CLRN1: variants seen among roughly 807,000 people sequenced by gnomAD.
The protein encoded by CLRN1 is clarin 1.
Under a neutral mutation model 18.7 loss-of-function variants are expected in CLRN1, and 15 were observed. That is an observed-to-expected ratio of 0.80 (90% CI 0.54 to 1.23). The LOEUF is 1.23. Ranked by LOEUF, CLRN1 falls within the 50% of genes most tolerant of loss-of-function variation. CLRN1 has a pLI of 0.00. For synonymous variants in CLRN1, 104 were observed against 102.9 expected (o/e 1.01, Z -0.07); for missense variants, 311 against 277.5 (o/e 1.12, Z -0.86).
At chr3:150,945,961 A>G (rs775475680) in intron 1 of CLRN1, among the ~76,000 whole-genome samples, 24 of 152,240 alleles carry the variant, frequency 1.6e-4, no homozygotes, top group Non-Finnish European at 2.6e-4. Context: ...CTAAAGTATT[A>G]CAAGGATATT....
intron 2 of CLRN1, among the ~76,000 whole-genome samples, chr3:150,933,784 C>T (rs1713301498): frequency 6.6e-6 from 1 of 152,224 alleles, no homozygotes; most frequent in East Asian, 1.9e-4. Context: ...AGTCCTCCTA[C>T]CACACCCTGG....
intron 1 of CLRN1, among the ~76,000 whole-genome samples, chr3:150,969,118 AAAAACAATGT>A (rs1715404299): frequency 6.6e-6 from 1 of 151,558 alleles, no homozygotes. Flanking sequence ...CAAGAAAAAA[AAAAACAATGT>A]AAAACATCTC....
chr3:150,932,255 T>TG (rs746967437), intron 2 of CLRN1, among the ~76,000 whole-genome samples: 2 of 152,244 alleles, frequency 1.3e-5, no homozygotes, highest in East Asian at 1.9e-4. Context: ...CCTTACTATA[T>TG]GGGGAACGTA....
chr3:150,960,784 T>C (rs1320879316), intron 1 of CLRN1, among the ~76,000 whole-genome samples: 1 of 152,236 alleles, frequency 6.6e-6, no homozygotes, highest in African/African-American at 2.4e-5. Context: ...GTTAACTTTA[T>C]TTCTGATAAA....
chr3:150,926,314 A>G (rs570735181), downstream of CLRN1: 43 of 166,548 alleles, frequency 2.6e-4, no homozygotes, highest in Non-Finnish European at 4.2e-4. Flanking sequence ...CCAAGAAGAC[A>G]GAGAGGAATC....
intron 2 of CLRN1, among the ~76,000 whole-genome samples, chr3:150,931,318 C>T (rs1431920907): frequency 6.6e-6 from 1 of 152,178 alleles, no homozygotes; most frequent in Non-Finnish European, 1.5e-5. Flanking sequence ...TCCAGTATGA[C>T]CCTTTGAATC....
At chr3:150,940,138 C>T (rs73009136) in intron 2 of CLRN1, among the ~76,000 whole-genome samples, 2,578 of 152,230 alleles carry the variant, frequency 0.017, 79 homozygotes, top group African/African-American at 0.06. Context: ...TGAATGCTTT[C>T]GTTAGAGATA....
At chr3:150,949,653 T>G (rs1714382875) in intron 1 of CLRN1, among the ~76,000 whole-genome samples, 1 of 152,112 alleles carries the variant, frequency 6.6e-6, no homozygotes, top group South Asian at 2.1e-4. Flanking sequence ...GTGAATAATC[T>G]CTACAATATG....
intron 2 of CLRN1, among the ~76,000 whole-genome samples, chr3:150,928,779 C>G (rs1712970832): frequency 6.6e-6 from 1 of 152,188 alleles, no homozygotes; most frequent in South Asian, 2.1e-4. Flanking sequence ...CTCTATTCTC[C>G]TTGTTTGTAA....
intron 1 of CLRN1, among the ~76,000 whole-genome samples, chr3:150,971,555 T>A (rs1219320647): frequency 6.6e-6 from 1 of 152,206 alleles, no homozygotes; most frequent in African/African-American, 2.4e-5. Flanking sequence ...TCATTTTAAA[T>A]GCTTCAGTTG....
intron 1 of CLRN1, among the ~76,000 whole-genome samples, chr3:150,971,681 A>C: frequency 6.6e-6 from 1 of 152,210 alleles, no homozygotes. Context: ...GTGTTGTAAG[A>C]GATATAACAA....
At chr3:150,971,649 A>G (rs1715538352) in intron 1 of CLRN1, among the ~76,000 whole-genome samples, 1 of 152,226 alleles carries the variant, frequency 6.6e-6, no homozygotes, top group Non-Finnish European at 1.5e-5. Flanking sequence ...GCCCTTCTGA[A>G]ATAATAATAA....
At chr3:150,958,892 G>A (rs950541892) in intron 1 of CLRN1, among the ~76,000 whole-genome samples, 3 of 152,172 alleles carry the variant, frequency 2.0e-5, no homozygotes, top group African/African-American at 4.8e-5. Flanking sequence ...CCAGGTCAGC[G>A]AATTTAATTG....
Position 150,928,100 on chromosome 3 carries a change from T to C in CLRN1, c.535A>G (p.Lys179Glu). The C allele has an allele frequency of 2.5e-6, 4 of 1,613,624 alleles. No individual in the cohort carries two copies. The highest frequency in any genetic ancestry group is 3.4e-6 in the Non-Finnish European group (4 of 1,179,882). ...GTGGTATATTTTTCACTTTGCGTTT[T>C]GTAGACATAAGTCCCTTCTTTATAA... ...ANYKEGTYVY[K>E]TQSEKYTTSF... The change falls in exon 3 of 3, where the codon AAA (lysine) becomes GAA (glutamate). Residue 179 changes from lysine to glutamate, a missense_variant. Physicochemically the swap from Lys to Glu is moderately conservative, Grantham distance 56. Transcript: ENST00000327047.
intron 1 of CLRN1, chr3:150,943,864 A>G (rs1714004753): frequency 6.2e-7 from 1 of 1,614,164 alleles, no homozygotes; most frequent in South Asian, 1.1e-5. Flanking sequence ...TCCTCACAGC[A>G]CTAAAGCAGC....
chr3:150,940,724 C>A (rs1414370213), intron 2 of CLRN1, among the ~76,000 whole-genome samples: 2 of 152,198 alleles, frequency 1.3e-5, no homozygotes, highest in African/African-American at 4.8e-5. Context: ...ATAAATTATA[C>A]ACACATTTTT....
intron 2 of CLRN1, among the ~76,000 whole-genome samples, chr3:150,938,149 A>C (rs921361831): frequency 4.6e-5 from 7 of 152,328 alleles, no homozygotes; most frequent in African/African-American, 1.7e-4. Flanking sequence ...AAGAGGTCCA[A>C]GGAGGAAAGC....
At chr3:150,971,051 T>TTC (rs1715511492) in intron 1 of CLRN1, among the ~76,000 whole-genome samples, 1 of 152,230 alleles carries the variant, frequency 6.6e-6, no homozygotes, top group South Asian at 2.1e-4. Flanking sequence ...CACCAGTACC[T>TTC]TCTCCGCTTT....
intron 1 of CLRN1, among the ~76,000 whole-genome samples, chr3:150,963,040 C>T (rs770161517): frequency 6.6e-6 from 1 of 152,166 alleles, no homozygotes; most frequent in Non-Finnish European, 1.5e-5. Flanking sequence ...TCCTATTCAA[C>T]ACAGTATTGG....
Sources: allele counts gnomAD v4.1 joint callset (sites outside exome capture counted in the v4.1 genomes callset), GRCh38; gene constraint gnomAD v4.1.1; transcripts MANE v1.5; gene names NCBI Gene and HGNC (gene_info 2026-07-23, HGNC 2026-07-21).